HS3ST2: variants seen among roughly 807,000 people sequenced by gnomAD.
The protein encoded by HS3ST2 is heparan sulfate-glucosamine 3-sulfotransferase 2.
Under a neutral mutation model 26.3 loss-of-function variants are expected in HS3ST2, and 17 were observed. The observed-to-expected ratio is 0.65, with a 90% CI of 0.44 to 0.97. The LOEUF (loss-of-function observed/expected upper bound fraction) is 0.97, where lower values mean the gene tolerates loss of function less well. HS3ST2 is among the 50% of genes least tolerant of loss of function. HS3ST2 has a pLI of 0.00. For synonymous variants in HS3ST2, 237 were observed against 219.2 expected (o/e 1.08, Z -0.72); for missense variants, 402 against 501.2 (o/e 0.80, Z 1.89).
At chr16:22,902,206 T>C (rs1490943335) in intron 1 of HS3ST2, among the ~76,000 whole-genome samples, 1 of 152,220 alleles carries the variant, frequency 6.6e-6, no homozygotes. Flanking sequence ...TATTTGTAGA[T>C]CCACCTCATT....
At chr16:22,817,580 G>A (rs1900889655) in intron 1 of HS3ST2, among the ~76,000 whole-genome samples, 1 of 152,180 alleles carries the variant, frequency 6.6e-6, no homozygotes, top group South Asian at 2.1e-4. Context: ...TAAAACCCAT[G>A]TTCTTACTTT....
chr16:22,915,059 A>G lies in HS3ST2; in HGVS notation c.601A>G (p.Ile201Val). The G allele has an allele frequency of 6.2e-7, 1 of 1,613,990 alleles. No individual in the cohort carries two copies. The highest frequency in any genetic ancestry group is 8.5e-7 in the Non-Finnish European group (1 of 1,179,990). The change falls in exon 2 of 2, where the codon ATC (isoleucine) becomes GTC (valine). Residue 201 changes from isoleucine to valine, a missense_variant. Coordinates refer to ENST00000261374, the MANE Select transcript of HS3ST2 (RefSeq NM_006043.2). ...IFNMSRDTKLIVVVRNPVTRA... is the reference protein window; with the variant it reads ...IFNMSRDTKLVVVVRNPVTRA... ...CAACATGTCCCGAGACACCAAGCTG[A>G]TCGTGGTTGTGCGGAACCCTGTGAC...
intron 1 of HS3ST2, among the ~76,000 whole-genome samples, chr16:22,909,473 G>A (rs1811756910): frequency 1.3e-5 from 2 of 152,206 alleles, no homozygotes; most frequent in Admixed American, 1.3e-4. Flanking sequence ...TGAGCCCCAA[G>A]GAAGTCTAAT....
rs1438011463 is a variant in HS3ST2 at position 22,814,690 on chromosome 16, C to G, written c.80C>G (p.Ser27Trp). Residue 27 changes from serine (S) to tryptophan (W), a missense_variant, in exon 1 of 2, where the codon TCG becomes TGG. Ser to Trp is a radical substitution (Grantham distance 177). This residue lies in a region of HS3ST2 where 165 missense variants were observed against 154.6 expected (regional missense o/e 1.07). Transcript: ENST00000261374. ...ARRLLFAFTL[S>W]LSCTYLCYSF... Reference sequence around the variant, plus strand: ...AGGCTGCTCTTCGCCTTCACGCTCTCGCTCTCCTGCACTTACCTGTGTTAC... The same window carrying G: ...AGGCTGCTCTTCGCCTTCACGCTCTGGCTCTCCTGCACTTACCTGTGTTAC... The G allele has an allele frequency of 1.9e-6, 3 of 1,604,692 alleles. No homozygotes were observed. Among genetic ancestry groups the G allele is most frequent in the Non-Finnish European group, 2.5e-6 (3 of 1,176,662 alleles).
intron 1 of HS3ST2, among the ~76,000 whole-genome samples, chr16:22,848,964 G>A (rs1348132494): frequency 6.6e-6 from 1 of 152,228 alleles, no homozygotes; most frequent in Non-Finnish European, 1.5e-5. Flanking sequence ...CAATGTGAGA[G>A]TCTTTAAAAG....
intron 1 of HS3ST2, among the ~76,000 whole-genome samples, chr16:22,894,756 G>A (rs1255425573): frequency 6.6e-6 from 1 of 150,930 alleles, no homozygotes; most frequent in Non-Finnish European, 1.5e-5. Context: ...AAAAAAAGGA[G>A]TTGGAGGCTG....
rs1900821557 is a variant in HS3ST2 at position 22,814,499 on chromosome 16, C to G, written c.-112C>G. The stretch of plus-strand genomic sequence containing the variant: ...AAGACGGCGCCCCCAACGCCCGACC[C>G]GCGTGGCCGTGGCAGCGCCACGCGA... On this transcript the variant is annotated 5_prime_UTR_variant, in exon 1 of 2. Transcript: ENST00000261374. The G allele has an allele frequency of 1.6e-6, 2 of 1,276,226 alleles. No homozygotes were observed. The highest frequency in any genetic ancestry group is 3.2e-5 in the African/African-American group (2 of 62,898). The allele number at this position is 1,276,226 out of a possible 1,614,324, so 79.1% of individuals were successfully genotyped here.
At chr16:22,882,774 T>C (rs1179436328) in intron 1 of HS3ST2, among the ~76,000 whole-genome samples, 4 of 151,986 alleles carry the variant, frequency 2.6e-5, no homozygotes. Context: ...GGCTCATGCC[T>C]GTAATCCAAG....
chr16:22,842,029 T>A (rs976053093), intron 1 of HS3ST2, among the ~76,000 whole-genome samples: 15 of 151,646 alleles, frequency 9.9e-5, no homozygotes, highest in African/African-American at 3.6e-4. Flanking sequence ...ATCTTTGGTG[T>A]TCTGTAATGT....
chr16:22,838,878 C>G (rs555858752), intron 1 of HS3ST2, among the ~76,000 whole-genome samples: 1 of 152,234 alleles, frequency 6.6e-6, no homozygotes, highest in African/African-American at 2.4e-5. Context: ...CCTTGGATCT[C>G]ATTACCTTCC....
At chr16:22,904,473 A>G (rs1028944585) in intron 1 of HS3ST2, among the ~76,000 whole-genome samples, 8 of 152,170 alleles carry the variant, frequency 5.3e-5, no homozygotes, top group African/African-American at 1.9e-4. Flanking sequence ...GGTTATGTCT[A>G]TAGTGGGTAC....
chr16:22,855,382 G>T (rs1301344080), intron 1 of HS3ST2, among the ~76,000 whole-genome samples: 1 of 152,132 alleles, frequency 6.6e-6, no homozygotes, highest in African/African-American at 2.4e-5. Context: ...CCTGGCTTGT[G>T]ACTTCTCCAC....
chr16:22,870,755 A>G (rs967888320), intron 1 of HS3ST2, among the ~76,000 whole-genome samples: 6 of 151,590 alleles, frequency 4.0e-5, no homozygotes, highest in Admixed American at 1.3e-4. Context: ...CTTTACTCAA[A>G]CTCCCCTTCT....
intron 1 of HS3ST2, among the ~76,000 whole-genome samples, chr16:22,882,953 C>A (rs1300679141): frequency 6.6e-6 from 1 of 151,732 alleles, no homozygotes; most frequent in East Asian, 1.9e-4. Flanking sequence ...ATCGCTTGAA[C>A]CCAGGAGGCA....
At chr16:22,838,438 G>A (rs1218692951) in intron 1 of HS3ST2, among the ~76,000 whole-genome samples, 1 of 152,116 alleles carries the variant, frequency 6.6e-6, no homozygotes, top group Non-Finnish European at 1.5e-5. Flanking sequence ...CTTTCCTCCA[G>A]CAGCCGCAGA....
At chr16:22,880,548 T>C (rs1287451767) in intron 1 of HS3ST2, among the ~76,000 whole-genome samples, 1 of 152,250 alleles carries the variant, frequency 6.6e-6, no homozygotes, top group Non-Finnish European at 1.5e-5. Context: ...CTGTTTTACC[T>C]ATTCGATCCC....
chr16:22,871,505 AG>A (rs1901838649), intron 1 of HS3ST2, among the ~76,000 whole-genome samples: 1 of 152,162 alleles, frequency 6.6e-6, no homozygotes, highest in Non-Finnish European at 1.5e-5. Flanking sequence ...TTTTAACTTA[AG>A]ATATTTTCAA....
At chr16:22,834,617 G>T (rs757697897) in intron 1 of HS3ST2, among the ~76,000 whole-genome samples, 14 of 149,870 alleles carry the variant, frequency 9.3e-5, no homozygotes, top group Non-Finnish European at 2.1e-4. Context: ...CGTACCCAAT[G>T]ATTTTCCTCA....
chr16:22,845,155 A>ATTTTTGATATTTTATC (rs1901413886), intron 1 of HS3ST2, among the ~76,000 whole-genome samples: 1 of 147,250 alleles, frequency 6.8e-6, no homozygotes, highest in Non-Finnish European at 1.5e-5. Flanking sequence ...CGCCTGGCCT[A>ATTTTTGATATTTTATC]AATCTTTTTT....
Sources: gnomAD v4.1 joint callset for allele counts (sites outside exome capture counted in the v4.1 genomes callset) on GRCh38, gnomAD v4.1.1 for gene constraint, gnomAD v4.1.1 regional missense constraint, MANE v1.5 for transcripts, NCBI Gene and HGNC (gene_info 2026-07-23, HGNC 2026-07-21) for gene names.